Variants in SLMAP observed in about 807,000 individuals in gnomAD.
The protein encoded by SLMAP is sarcolemmal membrane-associated protein.
In SLMAP, 44 loss-of-function variants were observed where a neutral mutation model predicts 128.8. The observed-to-expected ratio is 0.34, with a 90% CI of 0.27 to 0.44. SLMAP has a LOEUF of 0.44. Among genes scored for constraint, SLMAP ranks in the 20% least tolerant of loss-of-function variants. The pLI, the probability that SLMAP is intolerant of heterozygous loss-of-function variation, is 1.00. For missense variants in SLMAP, 787 were observed against 985.3 expected, an observed-to-expected ratio of 0.80 and a Z score of 2.69; for synonymous variants, 327 against 348.8, an observed-to-expected ratio of 0.94 and a Z score of 0.70.
intron 2 of SLMAP, 57 bp from the exon 3 acceptor site, chr3:57,831,326 A>C (rs1164606524): frequency 1.6e-6 from 2 of 1,235,172 alleles, no homozygotes; most frequent in African/African-American, 3.1e-5. Flanking sequence ...TAAAAAGTAC[A>C]TTTGGAATTA....
intron 2 of SLMAP, among the ~76,000 whole-genome samples, chr3:57,830,539 T>C (rs2093271892): frequency 6.6e-6 from 1 of 152,188 alleles, no homozygotes; most frequent in Non-Finnish European, 1.5e-5. Context: ...TTGTGTGTGA[T>C]CCCAGTTGTG....
intron 2 of SLMAP, among the ~76,000 whole-genome samples, chr3:57,782,460 G>C (rs1166700555): frequency 6.6e-6 from 1 of 152,020 alleles, no homozygotes; most frequent in Non-Finnish European, 1.5e-5. Context: ...CCAATGTTTA[G>C]GTGGCCAAAC....
chr3:57,831,157 A>G (rs1440712740), intron 2 of SLMAP, among the ~76,000 whole-genome samples: 1 of 152,174 alleles, frequency 6.6e-6, no homozygotes, highest in Non-Finnish European at 1.5e-5. Flanking sequence ...CTCTTTTTCC[A>G]AAGAGGTTGT....
intron 2 of SLMAP, among the ~76,000 whole-genome samples, chr3:57,786,731 ATTTTT>A (rs35138483): frequency 1.1e-5 from 1 of 88,760 alleles, no homozygotes; most frequent in Admixed American, 1.3e-4. Flanking sequence ...TAGTCTTTGT[ATTTTT>A]TTTTTTTTTT....
intron 14 of SLMAP, among the ~76,000 whole-genome samples, chr3:57,876,651 T>C (rs1366104052): frequency 6.6e-6 from 1 of 152,258 alleles, no homozygotes; most frequent in Non-Finnish European, 1.5e-5. Context: ...ATAAACTTAA[T>C]GGATACATTG....
Position 57,757,526 on chromosome 3 carries a change from C to A in SLMAP, c.-126C>A. Reference sequence around the variant, plus strand: ...TTGATGTTCACTGGTTATGCTTAGACAATGTGCAGTTTGTGTTAATTTAAA... The same window carrying A: ...TTGATGTTCACTGGTTATGCTTAGAAAATGTGCAGTTTGTGTTAATTTAAA... On this transcript the variant is annotated 5_prime_UTR_variant, in exon 2 of 25. Transcript: ENST00000671191. 1 of 792,198 alleles carries A rather than the reference C, an allele frequency of 1.3e-6. No homozygotes were observed. The highest frequency in any genetic ancestry group is 2.1e-6 in the Non-Finnish European group (1 of 479,172). 49.1% of individuals were successfully genotyped at this position (792,198 alleles called of 1,614,324 possible).
rs139832644 is a variant in SLMAP, at chr3:57,890,054, C to T, written c.1314C>T (p.Val438=). 27 of 1,613,140 alleles carry T rather than the reference C, an allele frequency of 1.7e-5. No homozygotes were observed. Among genetic ancestry groups the T allele is most frequent in the African/African-American group, 1.6e-4 (12 of 74,890 alleles). Residue 438 remains valine, a synonymous_variant, in exon 15 of 25, where the codon GTC becomes GTT. Transcript: ENST00000671191. ...QFIECQKKLI[V]EGHLTKAVEE... ...TTTCCTTGGCAGAGAAGCTGATCGT[C>T]GAAGGGCATCTAACCAAAGCGGTAG...
Position 57,864,645 on chromosome 3 carries a change from A to C in SLMAP, c.1064A>C (p.Glu355Ala). ...KIDEMEEKEQELQAKIEALQA... is the reference protein window; with the variant it reads ...KIDEMEEKEQALQAKIEALQA... ...GATGAAATGGAAGAAAAAGAACAGGAGCTCCAGGCAAAAATAGAAGCTTTG... is the reference window on the plus strand; with the variant it reads ...GATGAAATGGAAGAAAAAGAACAGGCGCTCCAGGCAAAAATAGAAGCTTTG... The change falls in exon 11 of 25, where the codon GAG becomes GCG. Residue 355 changes from glutamate to alanine, a missense_variant. Transcript: ENST00000671191. 1.3e-6 allele frequency: 2 copies of C among 1,599,776 alleles called. No individual in the cohort carries two copies. Among genetic ancestry groups the C allele is most frequent in the Non-Finnish European group, 1.7e-6 (2 of 1,176,412 alleles).
intron 22 of SLMAP, chr3:57,917,731 G>A (rs1412106902): frequency 1.3e-5 from 2 of 153,268 alleles, no homozygotes; most frequent in Non-Finnish European, 2.9e-5. Context: ...CCAAAGCCTT[G>A]AAGTTGACAG....
At chr3:57,907,775 G>T in intron 17 of SLMAP, 109 bp from the exon 18 acceptor site, 1 of 1,012,418 alleles carries the variant, frequency 9.9e-7, no homozygotes, top group South Asian at 1.9e-5. Flanking sequence ...TAACTCAGTT[G>T]TTCTATGTTG....
intron 14 of SLMAP, among the ~76,000 whole-genome samples, chr3:57,888,971 G>A (rs193235793): frequency 9.4e-4 from 143 of 151,352 alleles, no homozygotes; most frequent in African/African-American, 3.1e-3. Flanking sequence ...TGCAAGCTCC[G>A]CCTCCTGGGT....
intron 14 of SLMAP, among the ~76,000 whole-genome samples, chr3:57,875,391 C>T (rs1049334045): frequency 6.6e-6 from 1 of 151,958 alleles, no homozygotes; most frequent in Non-Finnish European, 1.5e-5. Context: ...GATAACATGC[C>T]TGTGTCCCAG....
At position 57,917,035 on chromosome 3, in the gene SLMAP, T is replaced by C. The variant is rs781668489; in HGVS notation, c.2268T>C (p.Leu756=). ...GGGATTCAGCTGATTTAAAAACTCTTCTCAGTAAGGCAGAAAACCAAGCAA... is the reference window on the plus strand; with the variant it reads ...GGGATTCAGCTGATTTAAAAACTCTCCTCAGTAAGGCAGAAAACCAAGCAA... ...HLRDSADLKT[L]LSKAENQAKD... The change falls in exon 22 of 25, where the codon CTT becomes CTC. Residue 756 remains leucine, a synonymous_variant. Coordinates refer to ENST00000671191, the MANE Select transcript of SLMAP (RefSeq NM_001377540.1). 3.1e-6 allele frequency: 5 copies of C among 1,613,902 alleles called. No homozygotes were observed. The highest frequency in any genetic ancestry group is 2.7e-5 in the African/African-American group (2 of 75,038).
At chr3:57,823,901 T>C (rs558904287) in intron 2 of SLMAP, among the ~76,000 whole-genome samples, 1 of 152,362 alleles carries the variant, frequency 6.6e-6, no homozygotes, top group Admixed American at 6.5e-5. Context: ...GACATTTTAA[T>C]GATCGCCATT....
chr3:57,864,024 G>A (rs1014947921), intron 10 of SLMAP, among the ~76,000 whole-genome samples: 1 of 152,022 alleles, frequency 6.6e-6, no homozygotes, highest in Admixed American at 6.6e-5. Flanking sequence ...CTTCCTCCAA[G>A]TTTCTCTCTC....
chr3:57,888,260 G>C (rs1306431643), intron 14 of SLMAP, among the ~76,000 whole-genome samples: 1 of 151,924 alleles, frequency 6.6e-6, no homozygotes, highest in East Asian at 1.9e-4. Flanking sequence ...TATACCGAAG[G>C]CCATACAAGA....
At chr3:57,840,250 G>T (rs958161559) in intron 3 of SLMAP, among the ~76,000 whole-genome samples, 1 of 152,196 alleles carries the variant, frequency 6.6e-6, no homozygotes, top group African/African-American at 2.4e-5. Flanking sequence ...CACCATGCCC[G>T]GCCAACATTA....
intron 2 of SLMAP, among the ~76,000 whole-genome samples, chr3:57,804,254 T>C (rs2089295696): frequency 6.6e-6 from 1 of 152,254 alleles, no homozygotes; most frequent in African/African-American, 2.4e-5. Flanking sequence ...GTCTAATTAC[T>C]AGCCTAGGTT....
At chr3:57,801,238 T>C (rs974458640) in intron 2 of SLMAP, 2 of 152,322 alleles carry the variant, frequency 1.3e-5, no homozygotes, top group African/African-American at 4.8e-5. Context: ...GAAATAAATA[T>C]AGCAAATCTG....
Sources: gnomAD v4.1 joint callset for allele counts (sites outside exome capture counted in the v4.1 genomes callset) on GRCh38, gnomAD v4.1.1 for gene constraint, MANE v1.5 for transcripts, NCBI Gene and HGNC (gene_info 2026-07-23, HGNC 2026-07-21) for gene names.